The following CAPZB variants were observed in gnomAD, a reference collection of about 807,000 sequenced individuals.
CAPZB encodes the protein F-actin-capping protein subunit beta.
Under a neutral mutation model 38.1 loss-of-function variants are expected in CAPZB, and 2 were observed. That is an observed-to-expected ratio of 0.05 (90% CI 0.02 to 0.17). CAPZB has a LOEUF of 0.17. Among genes scored for constraint, CAPZB ranks in the 10% least tolerant of loss-of-function variants. CAPZB has a pLI of 1.00. For missense variants in CAPZB, 161 were observed against 334.2 expected (o/e 0.48, Z 4.04); for synonymous variants, 107 against 127.4 (o/e 0.84, Z 1.08).
intron 2 of CAPZB, among the ~76,000 whole-genome samples, chr1:19,397,639 G>A (rs577461995): frequency 6.6e-6 from 1 of 152,308 alleles, no homozygotes; most frequent in African/African-American, 2.4e-5. Flanking sequence ...ACCTACTAGG[G>A]TACAGCATCA....
chr1:19,368,646 G>A (rs1448333378), intron 4 of CAPZB, among the ~76,000 whole-genome samples: 1 of 150,536 alleles, frequency 6.6e-6, no homozygotes, highest in African/African-American at 2.4e-5. Flanking sequence ...TGCTGGCTGG[G>A]TCACTGCAAG....
intron 1 of CAPZB, among the ~76,000 whole-genome samples, chr1:19,471,865 CAAAAAAAAAAAA>C (rs59289947): frequency 1.5e-5 from 2 of 134,486 alleles, no homozygotes; most frequent in African/African-American, 5.9e-5. Context: ...GACTCCGTCT[CAAAAAAAAAAAA>C]AAAAAAAAAA....
At chr1:19,342,637 TG>T (rs2100228691) in intron 8 of CAPZB, 2 of 686,316 alleles carry the variant, frequency 2.9e-6, no homozygotes, top group South Asian at 3.1e-5. Flanking sequence ...GGAGCACACG[TG>T]GGGGTTAGTG....
chr1:19,368,473 C>A (rs2094102056), intron 4 of CAPZB, among the ~76,000 whole-genome samples: 1 of 147,752 alleles, frequency 6.8e-6, no homozygotes, highest in Admixed American at 6.8e-5. Flanking sequence ...AGTGAGAGCC[C>A]CCGTCTCCAT....
intron 2 of CAPZB, among the ~76,000 whole-genome samples, chr1:19,403,948 C>A (rs1331820712): frequency 2.0e-5 from 3 of 152,170 alleles, no homozygotes; most frequent in Non-Finnish European, 4.4e-5. Flanking sequence ...TTAACGCCTG[C>A]AGCATCAAGA....
chr1:19,381,220 G>A (rs1402171995), intron 3 of CAPZB, among the ~76,000 whole-genome samples: 1 of 151,914 alleles, frequency 6.6e-6, no homozygotes, highest in Non-Finnish European at 1.5e-5. Context: ...AATCACAGTT[G>A]TAAATAAATA....
At chr1:19,342,602 C>T (rs1219004184) in intron 8 of CAPZB, 22 of 640,176 alleles carry the variant, frequency 3.4e-5, no homozygotes, top group Non-Finnish European at 6.0e-5. Context: ...CGAGGCTACA[C>T]GGGAATGTGG....
At chr1:19,450,410 G>C (rs2094512241) in intron 1 of CAPZB, among the ~76,000 whole-genome samples, 1 of 152,164 alleles carries the variant, frequency 6.6e-6, no homozygotes, top group Admixed American at 6.5e-5. Flanking sequence ...TGCTCACAAA[G>C]TTTTGGGTTT....
chr1:19,380,508 C>T (rs538268109), intron 3 of CAPZB, among the ~76,000 whole-genome samples: 1 of 152,344 alleles, frequency 6.6e-6, no homozygotes, highest in Non-Finnish European at 1.5e-5. Context: ...ACAATCGATG[C>T]CTCAGTTCTC....
intron 1 of CAPZB, among the ~76,000 whole-genome samples, chr1:19,477,603 C>T (rs370705046): frequency 1.9e-4 from 29 of 152,332 alleles, no homozygotes; most frequent in Admixed American, 4.6e-4. Context: ...AGCCTCACGA[C>T]GGAGAAGCCT....
chr1:19,464,592 C>A (rs4481878), intron 1 of CAPZB, among the ~76,000 whole-genome samples: 110,306 of 151,878 alleles, frequency 0.73, 40,083 homozygotes, highest in Middle Eastern at 0.84. Context: ...GCACCCGGCC[C>A]TATCTGTGAA....
intron 1 of CAPZB, among the ~76,000 whole-genome samples, chr1:19,462,437 G>A (rs1316729080): frequency 6.6e-6 from 1 of 150,614 alleles, no homozygotes; most frequent in Non-Finnish European, 1.5e-5. Flanking sequence ...TAGCCTGGGC[G>A]ACAGAGTGAG....
chr1:19,408,967 C>T (rs569292805), intron 2 of CAPZB, among the ~76,000 whole-genome samples: 2 of 152,286 alleles, frequency 1.3e-5, no homozygotes, highest in African/African-American at 4.8e-5. Flanking sequence ...CCTTCTACCC[C>T]ATTTTACCAA....
intron 2 of CAPZB, among the ~76,000 whole-genome samples, chr1:19,406,987 G>A (rs2094335558): frequency 6.6e-6 from 1 of 152,192 alleles, no homozygotes; most frequent in South Asian, 2.1e-4. Context: ...AAAGACAAGA[G>A]CTGAACAGGA....
chr1:19,348,835 G>GA (rs1024977379), intron 6 of CAPZB, among the ~76,000 whole-genome samples: 2 of 151,624 alleles, frequency 1.3e-5, no homozygotes, highest in Non-Finnish European at 2.9e-5. Context: ...AATATCTGCA[G>GA]AAAAAAGACA....
intron 1 of CAPZB, among the ~76,000 whole-genome samples, chr1:19,442,246 G>C (rs899332658): frequency 2.0e-5 from 3 of 152,066 alleles, no homozygotes; most frequent in African/African-American, 7.2e-5. Flanking sequence ...TTTACATCGG[G>C]TACACTATTA....
intron 1 of CAPZB, among the ~76,000 whole-genome samples, chr1:19,441,971 T>C (rs1455370454): frequency 1.5e-5 from 2 of 131,574 alleles, no homozygotes; most frequent in East Asian, 4.5e-4. Flanking sequence ...ATTGTGCCAC[T>C]GCACTCCAGC....
chr1:19,445,305 C>T (rs934043489), intron 1 of CAPZB, among the ~76,000 whole-genome samples: 7 of 151,260 alleles, frequency 4.6e-5, no homozygotes, highest in African/African-American at 1.7e-4. Flanking sequence ...TCAGAAGACT[C>T]GAACAAAAAC....
chr1:19,474,216 G>C (rs996267570), intron 1 of CAPZB, among the ~76,000 whole-genome samples: 1 of 152,000 alleles, frequency 6.6e-6, no homozygotes, highest in Non-Finnish European at 1.5e-5. Flanking sequence ...GGCTGGTCTC[G>C]AACTCCTGGC....
Sources: gnomAD v4.1 joint callset for allele counts (sites outside exome capture counted in the v4.1 genomes callset) on GRCh38, gnomAD v4.1.1 for gene constraint, MANE v1.5 for transcripts, NCBI Gene and HGNC (gene_info 2026-07-23, HGNC 2026-07-21) for gene names.